PPP2R5C: variants seen among roughly 807,000 people sequenced by gnomAD.
PPP2R5C encodes the protein protein phosphatase 2 regulatory subunit B'gamma.
Under a neutral mutation model 68.9 loss-of-function variants are expected in PPP2R5C, and 7 were observed. The ratio of observed to expected loss-of-function variants is 0.10; its 90% CI spans 0.06 to 0.19. PPP2R5C has a LOEUF of 0.19. Ranked by LOEUF, PPP2R5C falls within the 10% of genes least tolerant of loss-of-function variation. The pLI, the probability that PPP2R5C is intolerant of heterozygous loss-of-function variation, is 1.00. For missense variants in PPP2R5C, 348 were observed against 641.3 expected, an observed-to-expected ratio of 0.54 and a Z score of 4.94; for synonymous variants, 210 against 222.2, an observed-to-expected ratio of 0.95 and a Z score of 0.49.
chr14:101,912,578 G>A (rs753674542), intron 12 of PPP2R5C, 105 bp downstream of exon 14: 207 of 1,386,994 alleles, frequency 1.5e-4, no homozygotes, highest in Non-Finnish European at 1.7e-4. Flanking sequence ...TTTCACTAAC[G>A]TTGTATATGA....
rs2044960599 is a variant in PPP2R5C, at chr14:101,891,970, TTTTTGAGATA to T, written c.690-1029_690-1020del. Among the ~76,000 whole-genome samples, 1 of 152,218 alleles carries T rather than the reference TTTTTGAGATA, an allele frequency of 6.6e-6. No homozygotes were observed. The highest frequency in any genetic ancestry group is 2.4e-5 in the African/African-American group (1 of 41,452). ...TTTTTTTGTTTGTTTTTTGTTTTTGTTTTTGAGATAGAGTCTCGCTCTGTCACCGAGGCTG... is the reference window on the plus strand; with the variant it reads ...TTTTTTTGTTTGTTTTTTGTTTTTGTGAGTCTCGCTCTGTCACCGAGGCTG... On this transcript the variant is annotated intron_variant, in intron 6 of 13. Coordinates refer to ENST00000334743, the Ensembl canonical transcript of PPP2R5C. This position sits in a 1 kb window ranked among gnomAD's most constrained non-coding sequence, Gnocchi z 4.9.
intron 2 of PPP2R5C, among the ~76,000 whole-genome samples, chr14:101,779,035 G>C (rs1029325326): frequency 6.6e-6 from 1 of 152,168 alleles, no homozygotes; most frequent in Admixed American, 6.5e-5. Context: ...ACTCCAGCCT[G>C]AGTGACAGAC....
intron 1 of PPP2R5C, among the ~76,000 whole-genome samples, chr14:101,846,857 C>T (rs888885588): frequency 2.0e-5 from 3 of 152,154 alleles, no homozygotes; most frequent in Non-Finnish European, 4.4e-5. Flanking sequence ...CAAGTTGGAT[C>T]GCTCATCTGC....
At chr14:101,843,284 G>A (rs2041615064) in intron 1 of PPP2R5C, 1 of 161,994 alleles carries the variant, frequency 6.2e-6, no homozygotes, top group African/African-American at 2.4e-5. Context: ...GGACAGCATT[G>A]ATCAAACATG....
At chr14:101,787,538 C>T (rs552155458) in intron 3 of PPP2R5C, among the ~76,000 whole-genome samples, 7 of 151,902 alleles carry the variant, frequency 4.6e-5, no homozygotes, top group African/African-American at 1.2e-4. Context: ...CCAAGGCGGG[C>T]GGATCACGAG....
intron 3 of PPP2R5C, among the ~76,000 whole-genome samples, chr14:101,803,693 G>C (rs999035891): frequency 6.6e-6 from 1 of 150,466 alleles, no homozygotes; most frequent in Non-Finnish European, 1.5e-5. Flanking sequence ...CACTGCACTT[G>C]CACTCCAGCC....
chr14:101,857,021 T>A (rs1381794812), intron 2 of PPP2R5C, 136 bp downstream of exon 4: 2 of 845,542 alleles, frequency 2.4e-6, no homozygotes, highest in Non-Finnish European at 3.6e-6. Context: ...GCTTGAAGAA[T>A]GAAAATTTTC....
intron 1 of PPP2R5C, among the ~76,000 whole-genome samples, chr14:101,844,377 G>C (rs1004380361): frequency 6.6e-6 from 1 of 152,138 alleles, no homozygotes; most frequent in South Asian, 2.1e-4. Flanking sequence ...TGATATCGTG[G>C]TTTCTGGCAC....
rs1050830292 is a variant in PPP2R5C at position 101,915,006 on chromosome 14, C to T, written c.1326+2533C>T. 1.3e-5 allele frequency among the ~76,000 whole-genome samples: 2 copies of T among 152,132 alleles called. No homozygotes were observed. The highest frequency in any genetic ancestry group is 2.9e-5 in the Non-Finnish European group (2 of 68,028). On this transcript the variant is annotated intron_variant, in intron 12 of 13. Coordinates refer to ENST00000334743, the Ensembl canonical transcript of PPP2R5C. This position sits in a 1 kb window ranked among gnomAD's most constrained non-coding sequence, Gnocchi z 4.2. ...CTGGGACGGATGCCTGCCTTTCCTTCGAGAGAGGAGCTCATGTGCGGAATG... is the reference window on the plus strand; with the variant it reads ...CTGGGACGGATGCCTGCCTTTCCTTTGAGAGAGGAGCTCATGTGCGGAATG...
chr14:101,924,591 C>T (rs542127466), intron 13 of PPP2R5C, among the ~76,000 whole-genome samples: 155 of 151,732 alleles, frequency 1.0e-3, no homozygotes, highest in Non-Finnish European at 1.8e-3. Context: ...TACAGGCGCG[C>T]GCCACTACAC....
At chr14:101,814,893 C>A (rs2039567435) in intron 1 of PPP2R5C, among the ~76,000 whole-genome samples, 1 of 152,194 alleles carries the variant, frequency 6.6e-6, no homozygotes, top group East Asian at 1.9e-4. Flanking sequence ...AGCACTCCTG[C>A]CTGGCAGGTG....
intron 1 of PPP2R5C, among the ~76,000 whole-genome samples, chr14:101,822,058 A>ACCCC (rs200849159): frequency 1.5e-5 from 2 of 137,668 alleles, no homozygotes; most frequent in Non-Finnish European, 3.1e-5. Context: ...TAATGTAGTG[A>ACCCC]CCCCACCACC....
At chr14:101,912,090 C>A (rs1037408510) in intron 11 of PPP2R5C, among the ~76,000 whole-genome samples, 2 of 152,064 alleles carry the variant, frequency 1.3e-5, no homozygotes, top group African/African-American at 4.8e-5. Flanking sequence ...AGCTTCTTGT[C>A]AAAATTATGT....
chr14:101,791,859 T>C (rs1030270112), intron 3 of PPP2R5C, among the ~76,000 whole-genome samples: 6 of 152,214 alleles, frequency 3.9e-5, no homozygotes, highest in African/African-American at 1.4e-4. Context: ...TTGACACATT[T>C]TGTTCATGAT....
At chr14:101,914,794 G>T (rs2046574096) in intron 12 of PPP2R5C, among the ~76,000 whole-genome samples, 1 of 152,160 alleles carries the variant, frequency 6.6e-6, no homozygotes, top group Non-Finnish European at 1.5e-5. Context: ...TGAAACATTG[G>T]CAGTTTCTAA....
chr14:101,814,767 A>T (rs776914433), intron 1 of PPP2R5C, among the ~76,000 whole-genome samples: 1 of 152,240 alleles, frequency 6.6e-6, no homozygotes, highest in South Asian at 2.1e-4. Context: ...TTTGGGATAC[A>T]TCCTAACTTT....
chr14:101,807,733 C>G (rs1328451532), upstream of PPP2R5C, among the ~76,000 whole-genome samples: 1 of 151,960 alleles, frequency 6.6e-6, no homozygotes, highest in Admixed American at 6.6e-5. Flanking sequence ...TACTTACATG[C>G]ATAGGGTTTC....
At chr14:101,896,542 T>G (rs917656630) in intron 8 of PPP2R5C, among the ~76,000 whole-genome samples, 6 of 148,216 alleles carry the variant, frequency 4.0e-5, no homozygotes, top group Admixed American at 6.9e-5. Context: ...GAGACCAGCC[T>G]GGGCAATATG....
At chr14:101,784,708 G>A (rs1251166116) in intron 2 of PPP2R5C, among the ~76,000 whole-genome samples, 1 of 152,210 alleles carries the variant, frequency 6.6e-6, no homozygotes. Flanking sequence ...GAGAGTGACA[G>A]CCTTTTTAAA....
Sources: allele counts gnomAD v4.1 joint callset (sites outside exome capture counted in the v4.1 genomes callset), GRCh38; gene constraint gnomAD v4.1.1; non-coding constraint Gnocchi (gnomAD v3.1); transcripts MANE v1.5; gene names NCBI Gene and HGNC (gene_info 2026-07-23, HGNC 2026-07-21).